NFIC: variants seen among roughly 807,000 people sequenced by gnomAD.
NFIC encodes the protein nuclear factor 1 C-type.
A neutral mutation model predicts 54.4 loss-of-function variants in NFIC; 12 were observed. The observed-to-expected ratio is 0.22, with a 90% CI of 0.14 to 0.36. The LOEUF is 0.36. NFIC is among the 10% of genes least tolerant of loss of function. The probability of loss-of-function intolerance (pLI) is 1.00; values close to 1 mark genes in which losing one functional copy is unlikely to be tolerated. For missense variants in NFIC, 575 were observed against 718.2 expected, an observed-to-expected ratio of 0.80 and a Z score of 2.28; for synonymous variants, 322 against 319.2, an observed-to-expected ratio of 1.01 and a Z score of -0.09.
intron 7 of NFIC, among the ~76,000 whole-genome samples, chr19:3,449,923 T>A (rs1246247536): frequency 7.0e-6 from 1 of 143,060 alleles, no homozygotes; most frequent in Non-Finnish European, 1.5e-5. Context: ...AGTGTGGTGG[T>A]ATGCGCCTGT....
chr19:3,364,133 T>G (rs2080852905), upstream of NFIC, among the ~76,000 whole-genome samples: 2 of 147,436 alleles, frequency 1.4e-5, no homozygotes, highest in African/African-American at 5.0e-5. Context: ...TGCCGAAGAG[T>G]GAAATAACTG....
upstream of NFIC, among the ~76,000 whole-genome samples, chr19:3,364,846 T>C (rs1011449639): frequency 1.3e-5 from 2 of 152,242 alleles, no homozygotes; most frequent in African/African-American, 2.4e-5. Context: ...ATTTTAGATT[T>C]CACCCTGTAT....
rs529528152 is a variant in NFIC, at chr19:3,390,830, G to C, written c.562+8587G>C. Among the ~76,000 whole-genome samples the C allele has an allele frequency of 2.6e-4, 38 of 143,982 alleles. No homozygotes were observed. The South Asian group carries it at 4.5e-3, about 17-fold the overall frequency. The allele number at this position is 143,982 out of a possible 152,430, so 94.5% of individuals were successfully genotyped here. A position where few individuals can be genotyped will look rare whatever the true frequency, so the allele number is the denominator to read the frequency against. On this transcript the variant is annotated intron_variant, in intron 2 of 10. Coordinates refer to ENST00000443272, the MANE Select transcript of NFIC (RefSeq NM_001245002.2). ...TCCATAGAGTCGCCAGATTCACAGA[G>C]ACAGAAAGTAGGATGGGGGGTGCCA...
chr19:3,360,629 CGCGTGTGTCT>C (rs1043983047), intron 1 of NFIC, among the ~76,000 whole-genome samples: 1 of 152,222 alleles, frequency 6.6e-6, no homozygotes, highest in African/African-American at 2.4e-5. Flanking sequence ...TTTCTGTGTC[CGCGTGTGTCT>C]GCACATCCAC....
chr19:3,394,432 A>G (rs1002608762), intron 2 of NFIC, among the ~76,000 whole-genome samples: 1 of 149,358 alleles, frequency 6.7e-6, no homozygotes, highest in Admixed American at 6.7e-5. Context: ...GCGAGCTGTG[A>G]TTGTGTCACT....
In NFIC at chr19:3,376,166, A is replaced by G. The variant is rs74448206; in HGVS notation, c.31-5546A>G. On this transcript the variant is annotated intron_variant, in intron 1 of 10. Transcript: ENST00000443272. ...CATCGCAGCAATCGCGTCCATAGTA[A>G]TGAAAATACCCCAGCATCTTAGAGG... Among the ~76,000 whole-genome samples the G allele has an allele frequency of 3.0e-3, 454 of 152,206 alleles. 4 individuals carry two copies. Among genetic ancestry groups the G allele is most frequent in the African/African-American group, 0.01 (424 of 41,522 alleles).
intron 10 of NFIC, among the ~76,000 whole-genome samples, chr19:3,461,399 G>A (rs1429719558): frequency 1.3e-5 from 2 of 152,136 alleles, no homozygotes; most frequent in Non-Finnish European, 2.9e-5. Flanking sequence ...CTCCAGCCTG[G>A]GCAACGGAGC....
At chr19:3,434,110 C>T (rs2082162009) in intron 4 of NFIC, among the ~76,000 whole-genome samples, 167 bp from the exon 5 acceptor site, 1 of 152,214 alleles carries the variant, frequency 6.6e-6, no homozygotes. Context: ...TGGCCTTGGT[C>T]CTCTGATCCA....
chr19:3,381,771 C>T lies in NFIC; in HGVS notation c.90C>T (p.Thr30=), dbSNP rs1313789912. ...CTCACGTCCGCGCCTTCGCCTACACCTGGTTCAACCTGCAGGCGCGGAAGC... is the reference window on the plus strand; with the variant it reads ...CTCACGTCCGCGCCTTCGCCTACACTTGGTTCAACCTGCAGGCGCGGAAGC... ...LLPHVRAFAY[T]WFNLQARKRK... is the part of the protein sequence containing the mutation. Residue 30 remains threonine, a synonymous_variant, in exon 2 of 11, where the codon ACC becomes ACT. Transcript: ENST00000443272. The T allele has an allele frequency of 2.5e-6, 4 of 1,613,940 alleles. No homozygotes were observed. Among genetic ancestry groups the T allele is most frequent in the Non-Finnish European group, 2.5e-6 (3 of 1,179,956 alleles).
At chr19:3,435,702 G>T (rs1337056051) in intron 6 of NFIC, among the ~76,000 whole-genome samples, 2 of 151,958 alleles carry the variant, frequency 1.3e-5, no homozygotes, top group African/African-American at 2.4e-5. Flanking sequence ...TTCTGGTTCT[G>T]CAGGAGACTC....
intron 6 of NFIC, among the ~76,000 whole-genome samples, chr19:3,441,270 C>T (rs898340288): frequency 3.9e-5 from 6 of 152,374 alleles, no homozygotes; most frequent in African/African-American, 9.6e-5. Flanking sequence ...CACAGGGACA[C>T]GGAACCACGT....
rs116669109 is a variant in NFIC, at chr19:3,463,904, C to A, written c.*1135C>A. On this transcript the variant is annotated 3_prime_UTR_variant, in exon 11 of 11. Coordinates refer to ENST00000443272, the MANE Select transcript of NFIC (RefSeq NM_001245002.2). Reference sequence around the variant, plus strand: ...GACACGGAATGGCCGCGGGCCTCCTCCCCCTCCCCTCCAGCCTCTCCACCA... The same window carrying A: ...GACACGGAATGGCCGCGGGCCTCCTACCCCTCCCCTCCAGCCTCTCCACCA... 68 of 948,816 alleles carry A rather than the reference C, an allele frequency of 7.2e-5. No homozygotes were observed. The highest frequency in any genetic ancestry group is 8.4e-5 in the Non-Finnish European group (67 of 797,624). The allele number at this position is 948,816 out of a possible 1,614,324, so 58.8% of individuals were successfully genotyped here.
intron 1 of NFIC, among the ~76,000 whole-genome samples, chr19:3,373,619 C>CCCA (rs2081058771): frequency 1.0e-5 from 1 of 99,452 alleles, no homozygotes; most frequent in Non-Finnish European, 2.2e-5. Flanking sequence ...CTTCCTGGAC[C>CCCA]CCCCCCCCAA....
At chr19:3,450,832 T>G (rs2082451168) in intron 7 of NFIC, among the ~76,000 whole-genome samples, 1 of 152,148 alleles carries the variant, frequency 6.6e-6, no homozygotes, top group Non-Finnish European at 1.5e-5. Flanking sequence ...AAAGCAGCCA[T>G]TTGGGCCAGG....
At chr19:3,407,085 C>T (rs1028992553) in intron 2 of NFIC, among the ~76,000 whole-genome samples, 1 of 151,996 alleles carries the variant, frequency 6.6e-6, no homozygotes, top group Non-Finnish European at 1.5e-5. Context: ...ATGGGGAGAA[C>T]TTGGACTTTT....
intron 6 of NFIC, among the ~76,000 whole-genome samples, chr19:3,439,315 C>A: frequency 1.1e-5 from 1 of 92,496 alleles, no homozygotes. Flanking sequence ...TCCGGGGCAA[C>A]AGAGAAAGAC....
At chr19:3,426,699 C>G (rs866462531) in intron 3 of NFIC, among the ~76,000 whole-genome samples, 2 of 152,170 alleles carry the variant, frequency 1.3e-5, no homozygotes, top group African/African-American at 4.8e-5. Flanking sequence ...CTCCCTCTCT[C>G]CCCGTCGTCC....
chr19:3,449,226 A>C (rs1360657774), intron 7 of NFIC, 87 bp downstream of exon 7: 2 of 1,516,628 alleles, frequency 1.3e-6, no homozygotes, highest in Non-Finnish European at 1.8e-6. Flanking sequence ...TGGATGTCTG[A>C]CCATGAGTCC....
At chr19:3,455,244 A>G (rs942243893) in intron 9 of NFIC, among the ~76,000 whole-genome samples, 3 of 152,252 alleles carry the variant, frequency 2.0e-5, no homozygotes, top group African/African-American at 7.2e-5. Flanking sequence ...GATCATGCCC[A>G]GAGCCTGGTA....
Sources: allele counts gnomAD v4.1 joint callset (sites outside exome capture counted in the v4.1 genomes callset), GRCh38; gene constraint gnomAD v4.1.1; transcripts MANE v1.5; gene names NCBI Gene and HGNC (gene_info 2026-07-23, HGNC 2026-07-21).